DNAH11: variants seen among roughly 807,000 people sequenced by gnomAD.
DNAH11 encodes dynein axonemal heavy chain 11.
A neutral mutation model predicts 526.0 loss-of-function variants in DNAH11; 442 were observed. The ratio of observed to expected loss-of-function variants is 0.84; its 90% confidence interval spans 0.78 to 0.91. The LOEUF (loss-of-function observed/expected upper bound fraction) is 0.91, where lower values mean the gene tolerates loss of function less well. DNAH11 is among the 40% of genes least tolerant of loss of function. DNAH11 has a pLI of 0.00. For missense variants in DNAH11, 6,989 were observed against 5,448.7 expected (o/e 1.28, Z -8.90); for synonymous variants, 2,461 against 1,935.9 (o/e 1.27, Z -7.12).
intron 14 of DNAH11, among the ~76,000 whole-genome samples, chr7:21,594,026 ACT>A (rs1043407757): frequency 4.1e-5 from 6 of 147,742 alleles, no homozygotes; most frequent in South Asian, 2.2e-4. Flanking sequence ...ACTCACACAC[ACT>A]CTTTCTCCCT....
intron 30 of DNAH11, among the ~76,000 whole-genome samples, chr7:21,677,777 A>G (rs1170578189): frequency 1.3e-5 from 2 of 152,174 alleles, no homozygotes; most frequent in Non-Finnish European, 2.9e-5. Flanking sequence ...AGCCAGTGTA[A>G]TGGGTGTGAG....
chr7:21,871,504 T>C (rs1783493161), intron 73 of DNAH11, among the ~76,000 whole-genome samples: 1 of 152,220 alleles, frequency 6.6e-6, no homozygotes, highest in South Asian at 2.1e-4. Flanking sequence ...ACCTAGAATA[T>C]TTTTACATTT....
rs993114582 is a variant in DNAH11 at position 21,880,366 on chromosome 7, G to A, written c.12196-336G>A. Among the ~76,000 whole-genome samples the A allele has an allele frequency of 7.9e-5, 12 of 152,012 alleles. 1 individual carries two copies. The highest frequency in any genetic ancestry group is 2.9e-4 in the African/African-American group (12 of 41,428). On this transcript the variant is annotated intron_variant, in intron 74 of 81. Transcript: ENST00000409508. ...CTACAGTGATGAAATGAAGATGATG[G>A]CTTTATGTCATCCAGATTCTGCGAA...
intron 66 of DNAH11, among the ~76,000 whole-genome samples, chr7:21,850,608 C>CTTTTTTTTTTTTTTTTTTTTTTTCTT (rs3062635): frequency 1.6e-5 from 1 of 62,658 alleles, no homozygotes. Context: ...CTGTCTTCTT[C>CTTTTTTTTTTTTTTTTTTTTTTTCTT]TTTTTTTTTT....
chr7:21,561,838 T>A (rs1783471123), intron 5 of DNAH11, among the ~76,000 whole-genome samples: 1 of 152,196 alleles, frequency 6.6e-6, no homozygotes, highest in African/African-American at 2.4e-5. Context: ...ATACTGTGGT[T>A]TTAAATAATA....
intron 30 of DNAH11, among the ~76,000 whole-genome samples, chr7:21,681,153 G>A (rs1013772442): frequency 8.5e-5 from 13 of 152,238 alleles, no homozygotes; most frequent in South Asian, 4.2e-4. Context: ...GTGGCCAGGC[G>A]TGGTGGCTCA....
chr7:21,735,147 G>A (rs1483557493), intron 45 of DNAH11, among the ~76,000 whole-genome samples: 1 of 152,210 alleles, frequency 6.6e-6, no homozygotes, highest in Non-Finnish European at 1.5e-5. Flanking sequence ...TCCAGCCTGG[G>A]TAATAGAGCA....
rs967892030 is a variant in DNAH11 at position 21,894,817 on chromosome 7, G to A, written c.12933+12G>A. The A allele has an allele frequency of 6.2e-7, 1 of 1,609,114 alleles. No individual in the cohort carries two copies. Among genetic ancestry groups the A allele is most frequent in the African/African-American group, 1.3e-5 (1 of 74,748 alleles). ...ACCTTAGTTTGAAGGTAAGCTTAAA[G>A]TGAGGCTATAGTAGACTTCAGCACA... is the stretch of plus-strand genomic sequence containing the variant. On this transcript the variant is annotated intron_variant, in intron 78 of 81. Transcript: ENST00000409508.
Position 21,546,988 on chromosome 7 carries a change from A to G in DNAH11, c.495+1839A>G, listed in dbSNP as rs185149290. On this transcript the variant is annotated intron_variant, in intron 2 of 81. Transcript: ENST00000409508. Reference sequence around the variant, plus strand: ...CAAAGGCACACTTGCTCTTTTATCTATAGGTGTATATGTCCTTGGTGAACC... The same window carrying G: ...CAAAGGCACACTTGCTCTTTTATCTGTAGGTGTATATGTCCTTGGTGAACC... Among the ~76,000 whole-genome samples the G allele has an allele frequency of 5.4e-3, 816 of 152,356 alleles. 8 individuals carry two copies. The highest frequency in any genetic ancestry group is 7.8e-3 in the Non-Finnish European group (529 of 68,022).
At position 21,601,193 on chromosome 7, in the gene DNAH11, T is replaced by C. The variant is rs1284241743; in HGVS notation, c.3425+14T>C. On this transcript the variant is annotated intron_variant, in intron 17 of 81. Transcript: ENST00000409508. ...TGTCATTGACAGGTAGCCTTTTACT[T>C]TGGTTTTTGGAATTATAACTTTCTA... 2 of 1,579,764 alleles carry C rather than the reference T, an allele frequency of 1.3e-6. No homozygotes were observed. The highest frequency in any genetic ancestry group is 2.7e-5 in the African/African-American group (2 of 72,732).
chr7:21,714,878 C>G (rs1217927884), intron 42 of DNAH11, among the ~76,000 whole-genome samples: 1 of 152,134 alleles, frequency 6.6e-6, no homozygotes. Flanking sequence ...TTACAAAAGA[C>G]TAGATACTTC....
chr7:21,611,734 G>C (rs1018396417), intron 20 of DNAH11, among the ~76,000 whole-genome samples: 1 of 152,144 alleles, frequency 6.6e-6, no homozygotes, highest in Non-Finnish European at 1.5e-5. Flanking sequence ...AGCAACAATC[G>C]GAGCCAGAAG....
chr7:21,751,142 G>T (rs906668681), intron 54 of DNAH11, among the ~76,000 whole-genome samples: 5 of 152,092 alleles, frequency 3.3e-5, no homozygotes. Context: ...TGGCCAACAT[G>T]ATGAAACCCC....
At chr7:21,621,733 C>G (rs1378258468) in intron 25 of DNAH11, among the ~76,000 whole-genome samples, 1 of 152,056 alleles carries the variant, frequency 6.6e-6, no homozygotes, top group Non-Finnish European at 1.5e-5. Flanking sequence ...ACATGATTAT[C>G]TCAATAGATG....
At position 21,750,550 on chromosome 7, in the gene DNAH11, A is replaced by G. The variant is rs764034; in HGVS notation, c.8940+186A>G. On this transcript the variant is annotated intron_variant, in intron 54 of 81. Transcript: ENST00000409508. ...TGTCCCATGATGCTGGGCTCCTGCA[A>G]AGCATTGCTGAGCGGTGTGTGCAGT... Among the ~76,000 whole-genome samples, 3,761 of 152,316 alleles carry G rather than the reference A, an allele frequency of 0.025. 151 individuals are homozygous for G. The highest frequency in any genetic ancestry group is 0.086 in the African/African-American group (3,593 of 41,562).
At chr7:21,748,067 G>A (rs140296828) in intron 51 of DNAH11, among the ~76,000 whole-genome samples, 35 of 152,360 alleles carry the variant, frequency 2.3e-4, no homozygotes, top group African/African-American at 7.7e-4. Flanking sequence ...CTTGGGAGCA[G>A]TTCAAGGGTT....
chr7:21,595,819 A>G (rs1784839081), intron 14 of DNAH11, among the ~76,000 whole-genome samples: 1 of 152,040 alleles, frequency 6.6e-6, no homozygotes, highest in African/African-American at 2.4e-5. Flanking sequence ...GAGTTTAGCT[A>G]GAGAATAGAA....
intron 28 of DNAH11, 69 bp downstream of exon 28, chr7:21,639,134 T>C: frequency 1.3e-6 from 2 of 1,482,518 alleles, no homozygotes; most frequent in Non-Finnish European, 1.8e-6. Context: ...TCTCTATCAT[T>C]GTCAAATGCT....
In DNAH11 at chr7:21,559,699, G is replaced by T. The variant is rs1783377156; in HGVS notation, c.789G>T (p.Val263=). 1 of 1,610,922 alleles carries T rather than the reference G, an allele frequency of 6.2e-7. No individual in the cohort carries two copies. The highest frequency in any genetic ancestry group is 1.7e-5 in the Admixed American group (1 of 59,664). ...QIQEIIERDS[V]QRLLNGLHLS... ...AAGAAATTATAGAAAGAGATTCAGTGCAGCGTTTGTTGAATGGTCTTCACT... is the reference window on the plus strand; with the variant it reads ...AAGAAATTATAGAAAGAGATTCAGTTCAGCGTTTGTTGAATGGTCTTCACT... The change falls in exon 4 of 82, where the codon GTG becomes GTT. Residue 263 remains valine, a synonymous_variant. Transcript: ENST00000409508.
Sources: gnomAD v4.1 joint callset for allele counts (sites outside exome capture counted in the v4.1 genomes callset) on GRCh38, gnomAD v4.1.1 for gene constraint, MANE v1.5 for transcripts, NCBI Gene and HGNC (gene_info 2026-07-23, HGNC 2026-07-21) for gene names.